LRCH1: variants seen among roughly 807,000 people sequenced by gnomAD.
LRCH1 encodes leucine-rich repeat and calponin homology domain-containing protein 1.
LRCH1 carries 23 observed loss-of-function variants against 94.9 expected under a neutral mutation model. The observed-to-expected ratio is 0.24, with a 90% CI of 0.17 to 0.34. The LOEUF is 0.34. LRCH1 is among the 10% of genes least tolerant of loss of function. LRCH1 has a pLI of 1.00. For missense variants in LRCH1, 790 were observed against 945.9 expected, an observed-to-expected ratio of 0.84 and a Z score of 2.16; for synonymous variants, 364 against 354.9, an observed-to-expected ratio of 1.03 and a Z score of -0.29.
At chr13:46,609,203 T>A (rs1014415719) in intron 1 of LRCH1, among the ~76,000 whole-genome samples, 1 of 152,238 alleles carries the variant, frequency 6.6e-6, no homozygotes, top group African/African-American at 2.4e-5. Context: ...CTTTGTCACC[T>A]GTTCCATATT....
intron 1 of LRCH1, among the ~76,000 whole-genome samples, chr13:46,579,735 G>A (rs1566154738): frequency 6.6e-6 from 1 of 152,136 alleles, no homozygotes; most frequent in Non-Finnish European, 1.5e-5. Flanking sequence ...TCATGGGAAG[G>A]CATCTGATTA....
At chr13:46,579,029 G>A (rs573389599) in intron 1 of LRCH1, among the ~76,000 whole-genome samples, 1 of 152,308 alleles carries the variant, frequency 6.6e-6, no homozygotes, top group Admixed American at 6.5e-5. Flanking sequence ...TCTCCCTGGT[G>A]TGTAGGTGGT....
intron 1 of LRCH1, among the ~76,000 whole-genome samples, chr13:46,586,196 AAG>A (rs897649566): frequency 6.6e-6 from 1 of 152,198 alleles, no homozygotes; most frequent in East Asian, 1.9e-4. Flanking sequence ...TGCAAAAAGA[AAG>A]AGAGAGAGGA....
At chr13:46,576,539 G>A (rs1203613250) in intron 1 of LRCH1, among the ~76,000 whole-genome samples, 3 of 152,288 alleles carry the variant, frequency 2.0e-5, no homozygotes, top group African/African-American at 4.8e-5. Context: ...CATTGCTATC[G>A]TTGATTAGAG....
intron 2 of LRCH1, among the ~76,000 whole-genome samples, chr13:46,664,358 G>C (rs898707088): frequency 1.3e-5 from 2 of 152,202 alleles, no homozygotes; most frequent in African/African-American, 4.8e-5. Context: ...TGACATAGGC[G>C]TTGTAGCCAC....
rs989619797 is a variant in LRCH1 at position 46,711,845 on chromosome 13, G to T, written c.1581+1G>T. 6.2e-7 allele frequency: 1 copy of T among 1,611,998 alleles called. No homozygotes were observed. The highest frequency in any genetic ancestry group is 8.5e-7 in the Non-Finnish European group (1 of 1,178,400). On this transcript the variant is annotated splice_donor_variant, in intron 14 of 19. Coordinates refer to ENST00000389797, the MANE Select transcript of LRCH1 (RefSeq NM_001164211.2). LOFTEE classifies it high-confidence loss of function. ...CGGGAGCCAGTATTCTCCAAATGAG[G>T]TAAGTTTCTTGAAGATTAATGGAAG...
Position 46,742,487 on chromosome 13 carries a change from A to G in LRCH1, c.*639A>G. On this transcript the variant is annotated 3_prime_UTR_variant, in exon 20 of 20. Transcript: ENST00000389797. ...AAGGGCGCTGGGCAGTGTGGCCGCC[A>G]ACTTCCACCCCGGCAAGCCCCTCTG... The G allele has an allele frequency of 1.0e-6, 1 of 985,900 alleles. No individual in the cohort carries two copies. The highest frequency in any genetic ancestry group is 1.2e-6 in the Non-Finnish European group (1 of 830,286). The allele number at this position is 985,900 out of a possible 1,614,324, so 61.1% of individuals were successfully genotyped here.
chr13:46,678,216 A>G (rs2051703105), intron 3 of LRCH1, among the ~76,000 whole-genome samples: 1 of 152,206 alleles, frequency 6.6e-6, no homozygotes, highest in African/African-American at 2.4e-5. Context: ...CATTCTAGAA[A>G]TATTGCTTTT....
intron 1 of LRCH1, among the ~76,000 whole-genome samples, chr13:46,563,720 C>T (rs1367085175): frequency 6.6e-6 from 1 of 152,160 alleles, no homozygotes; most frequent in African/African-American, 2.4e-5. Context: ...CCAAGCAATG[C>T]CTTTCTATTG....
Position 46,553,501 on chromosome 13 carries a change from C to G in LRCH1, c.105C>G (p.His35Gln), listed in dbSNP as rs1341030429. ...HPHHHHHHHQ[H>Q]HGGTGAPGGA... ...ACCACCACCACCACCACCATCAGCA[C>G]CACGGAGGAACCGGCGCCCCCGGCG... The change falls in exon 1 of 20, where the codon CAC becomes CAG. Residue 35 changes from histidine to glutamine, a missense_variant. Physicochemically the swap from His to Gln is conservative, Grantham distance 24. Around this residue, in one of 3 missense-constraint regions of LRCH1, gnomAD observed 136 missense variants for 143.5 expected, o/e 0.95. Transcript: ENST00000389797. The G allele has an allele frequency of 6.5e-7, 1 of 1,547,450 alleles. No individual in the cohort carries two copies. Among genetic ancestry groups the G allele is most frequent in the South Asian group, 1.2e-5 (1 of 83,904 alleles).
At chr13:46,725,240 A>G (rs550704053) in intron 17 of LRCH1, among the ~76,000 whole-genome samples, 3 of 152,332 alleles carry the variant, frequency 2.0e-5, no homozygotes, top group East Asian at 1.9e-4. Flanking sequence ...AAAACTACCT[A>G]TTGGGTACTA....
chr13:46,750,729 C>A, exon 19 of LRCH1: 2 of 941,316 alleles, frequency 2.1e-6, no homozygotes, highest in South Asian at 1.5e-5. Flanking sequence ...CCTGTTCAAC[C>A]CTCTCTCCCA....
At chr13:46,651,292 TTTTTTAGTTTTG>T (rs1446884868) in intron 2 of LRCH1, among the ~76,000 whole-genome samples, 11 of 152,296 alleles carry the variant, frequency 7.2e-5, no homozygotes, top group East Asian at 1.9e-4. Flanking sequence ...ATGTCAGTGG[TTTTTTAGTTTTG>T]TTTTTAGTTT....
At chr13:46,674,239 A>ATCTT (rs1282686040) in intron 3 of LRCH1, among the ~76,000 whole-genome samples, 1 of 152,252 alleles carries the variant, frequency 6.6e-6, no homozygotes, top group East Asian at 1.9e-4. Context: ...GGAAAATGGT[A>ATCTT]TCTTATCTTT....
At chr13:46,681,888 C>A in intron 4 of LRCH1, 42 bp downstream of exon 4, 1 of 1,275,634 alleles carries the variant, frequency 7.8e-7, no homozygotes, top group Non-Finnish European at 1.1e-6. Flanking sequence ...GGGAGACTTG[C>A]ATTATTTTAT....
At chr13:46,653,960 C>G (rs1006684051) in intron 2 of LRCH1, among the ~76,000 whole-genome samples, 1 of 152,152 alleles carries the variant, frequency 6.6e-6, no homozygotes, top group African/African-American at 2.4e-5. Context: ...ATAGTTGAAA[C>G]ATGTCTTCTA....
At chr13:46,655,557 G>T (rs925385160) in intron 2 of LRCH1, among the ~76,000 whole-genome samples, 5 of 152,168 alleles carry the variant, frequency 3.3e-5, no homozygotes, top group Non-Finnish European at 5.9e-5. Context: ...CAATAAAAAT[G>T]ATTAAGCAAG....
At chr13:46,592,763 G>A (rs1042800140) in intron 1 of LRCH1, among the ~76,000 whole-genome samples, 2 of 152,158 alleles carry the variant, frequency 1.3e-5, no homozygotes, top group African/African-American at 4.8e-5. Context: ...AAGAATGTTT[G>A]GTGATTCCTG....
At chr13:46,563,337 T>A (rs9534426) in intron 1 of LRCH1, among the ~76,000 whole-genome samples, 18,668 of 152,138 alleles carry the variant, frequency 0.12, 1,420 homozygotes, top group African/African-American at 0.22. Flanking sequence ...CTTAGCCAAA[T>A]GGAATTTCTT....
Sources: allele counts gnomAD v4.1 joint callset (sites outside exome capture counted in the v4.1 genomes callset), GRCh38; gene constraint gnomAD v4.1.1; regional missense constraint gnomAD v4.1.1; transcripts MANE v1.5; gene names NCBI Gene and HGNC (gene_info 2026-07-23, HGNC 2026-07-21).